Variants in ELAPOR1 observed in about 807,000 individuals in gnomAD.
ELAPOR1 encodes the protein endosome-lysosome associated apoptosis and autophagy regulator 1.
ELAPOR1 carries 77 observed loss-of-function variants against 119.7 expected under a neutral mutation model. The ratio of observed to expected loss-of-function variants is 0.64; its 90% CI spans 0.54 to 0.78. The LOEUF (loss-of-function observed/expected upper bound fraction) is 0.78, where lower values mean the gene tolerates loss of function less well. Among genes scored for constraint, ELAPOR1 ranks in the 30% least tolerant of loss-of-function variants. ELAPOR1 has a pLI of 0.00. For synonymous variants in ELAPOR1, 481 were observed against 487.2 expected (o/e 0.99, Z 0.17); for missense variants, 1,115 against 1,270.4 (o/e 0.88, Z 1.86).
At chr1:109,154,489 G>C (rs765087546) in intron 1 of ELAPOR1, among the ~76,000 whole-genome samples, 1 of 152,228 alleles carries the variant, frequency 6.6e-6, no homozygotes, top group East Asian at 1.9e-4. Context: ...TTTGTTCCTC[G>C]TCTCAGAGAC....
At chr1:109,164,722 C>A in intron 3 of ELAPOR1, 31 bp downstream of exon 3, 1 of 1,587,082 alleles carries the variant, frequency 6.3e-7, no homozygotes, top group East Asian at 2.3e-5. Flanking sequence ...ACCCCACCCC[C>A]AGCCCACTGG....
At chr1:109,116,338 G>T (rs1297742984) in intron 1 of ELAPOR1, among the ~76,000 whole-genome samples, 5 of 152,166 alleles carry the variant, frequency 3.3e-5, no homozygotes, top group Admixed American at 2.0e-4. Context: ...CCTCAGAAAG[G>T]ATTGCTTTGA....
intron 8 of ELAPOR1, chr1:109,187,759 AC>A (rs1269633962): frequency 2.5e-5 from 20 of 793,324 alleles, no homozygotes; most frequent in Non-Finnish European, 3.1e-5. Flanking sequence ...CATCTCAGCC[AC>A]CCCCTCAGTC....
intron 8 of ELAPOR1, chr1:109,186,945 A>G (rs192010845): frequency 9.1e-6 from 9 of 985,538 alleles, no homozygotes; most frequent in Admixed American, 6.1e-5. Context: ...GCCAAGGCCC[A>G]GCTCAGAGGA....
rs946473338 is a variant in ELAPOR1, at chr1:109,198,952, C to G, written c.2501+278C>G. On this transcript the variant is annotated intron_variant, in intron 18 of 21. Coordinates refer to ENST00000369939, the MANE Select transcript of ELAPOR1 (RefSeq NM_020775.5). ...TCGGCTGAGAGCCAGGTTGAATCAT[C>G]TCCTCCACTAACCAGCTATGTTATC... Among the ~76,000 whole-genome samples, 5 of 152,346 alleles carry G rather than the reference C, an allele frequency of 3.3e-5. No homozygotes were observed. The South Asian group carries it at 1.0e-3, about 32-fold the overall frequency.
rs71069655 is a variant in ELAPOR1 at position 109,144,061 on chromosome 1, ATTTT to A, written c.154-17821_154-17818del. ...TATATATATATATATATATTTATATATTTTTTTTTTTTTTTGAGATGGAGTTTCG... is the reference window on the plus strand; with the variant it reads ...TATATATATATATATATATTTATATATTTTTTTTTTTGAGATGGAGTTTCG... On this transcript the variant is annotated intron_variant, in intron 1 of 21. Coordinates refer to ENST00000369939, the MANE Select transcript of ELAPOR1 (RefSeq NM_020775.5). Among the ~76,000 whole-genome samples the A allele has an allele frequency of 6.6e-4, 59 of 88,984 alleles. 3 individuals carry two copies. Among genetic ancestry groups the A allele is most frequent in the African/African-American group, 2.8e-3 (58 of 20,736 alleles). The allele number at this position is 88,984 out of a possible 152,430, so 58.4% of individuals were successfully genotyped here.
At chr1:109,198,765 A>G in intron 18 of ELAPOR1, 91 bp downstream of exon 18, 1 of 1,173,466 alleles carries the variant, frequency 8.5e-7, no homozygotes, top group Non-Finnish European at 1.2e-6. Flanking sequence ...AAGAGCAAAA[A>G]AGAAAAGAGT....
chr1:109,188,968 G>A lies in ELAPOR1; in HGVS notation c.1220-98G>A. ...TACTCAGCAGCCAGGCTTCTGGGCT[G>A]CCCGCTACTGTTGCAACTTGTCTGT... is the stretch of plus-strand genomic sequence containing the variant. On this transcript the variant is annotated intron_variant, in intron 9 of 21. Coordinates refer to ENST00000369939, the MANE Select transcript of ELAPOR1 (RefSeq NM_020775.5). 2.7e-6 allele frequency: 4 copies of A among 1,462,676 alleles called. No homozygotes were observed. The East Asian group carries it at 6.9e-5, about 25-fold the overall frequency. 90.6% of individuals were successfully genotyped at this position (1,462,676 alleles called of 1,614,324 possible).
At chr1:109,137,405 T>C (rs1000655097) in intron 1 of ELAPOR1, among the ~76,000 whole-genome samples, 15 of 152,128 alleles carry the variant, frequency 9.9e-5, no homozygotes, top group Non-Finnish European at 1.8e-4. Context: ...GGTTTCTCTA[T>C]GTTGGCTAGA....
At chr1:109,148,646 C>T (rs779684873) in intron 1 of ELAPOR1, among the ~76,000 whole-genome samples, 9 of 152,138 alleles carry the variant, frequency 5.9e-5, no homozygotes, top group Non-Finnish European at 1.3e-4. Context: ...GAATTCTGTC[C>T]GCCAGGTTCT....
rs1346700748 is a variant in ELAPOR1, at chr1:109,173,855, G to A, written c.952+18G>A. 2 of 1,612,868 alleles carry A rather than the reference G, an allele frequency of 1.2e-6. No homozygotes were observed. The highest frequency in any genetic ancestry group is 2.7e-5 in the African/African-American group (2 of 74,862). On this transcript the variant is annotated intron_variant, in intron 7 of 21. Coordinates refer to ENST00000369939, the MANE Select transcript of ELAPOR1 (RefSeq NM_020775.5). Reference sequence around the variant, plus strand: ...ATACTCAGGTGATGTTTCTGAGGGTGGGAAGAGTTTGGGGATAGAGAGTAC... The same window carrying A: ...ATACTCAGGTGATGTTTCTGAGGGTAGGAAGAGTTTGGGGATAGAGAGTAC...
rs1654423626 is a variant in ELAPOR1, at chr1:109,205,322, G to A, written c.*2310G>A. On this transcript the variant is annotated 3_prime_UTR_variant, in exon 22 of 22. Coordinates refer to ENST00000369939, the MANE Select transcript of ELAPOR1 (RefSeq NM_020775.5). ...AGGGGATGGCATTTGCAAGTGACTA[G>A]TCTGCCACAAAATGCTCATCTGATT... 1 of 152,208 alleles carries A rather than the reference G, an allele frequency of 6.6e-6. No homozygotes were observed. Among genetic ancestry groups the A allele is most frequent in the South Asian group, 2.1e-4 (1 of 4,826 alleles). 9.4% of individuals were successfully genotyped at this position (152,208 alleles called of 1,614,324 possible).
chr1:109,157,478 C>T (rs1470067861), intron 1 of ELAPOR1, among the ~76,000 whole-genome samples: 3 of 152,188 alleles, frequency 2.0e-5, no homozygotes, highest in African/African-American at 4.8e-5. Flanking sequence ...GCAGATGCAA[C>T]ACCTGAATAG....
intron 1 of ELAPOR1, among the ~76,000 whole-genome samples, chr1:109,157,435 A>G (rs775668594): frequency 3.3e-5 from 5 of 152,142 alleles, no homozygotes; most frequent in Non-Finnish European, 7.4e-5. Flanking sequence ...AGAGGGCCCT[A>G]TCGCACATGG....
chr1:109,173,143 G>T (rs1214176447), intron 5 of ELAPOR1, among the ~76,000 whole-genome samples: 1 of 151,634 alleles, frequency 6.6e-6, no homozygotes, highest in Non-Finnish European at 1.5e-5. Context: ...TGGGGAGGGG[G>T]GCTGTCCCCC....
At chr1:109,187,193 T>C (rs1167040362) in intron 8 of ELAPOR1, 18 of 985,316 alleles carry the variant, frequency 1.8e-5, no homozygotes, top group Middle Eastern at 5.2e-4. Flanking sequence ...GGCCCATCCA[T>C]TGGGGTCAGT....
At chr1:109,176,076 A>G (rs1324797556) in intron 7 of ELAPOR1, among the ~76,000 whole-genome samples, 1 of 152,140 alleles carries the variant, frequency 6.6e-6, no homozygotes, top group Non-Finnish European at 1.5e-5. Flanking sequence ...TTGTAACACA[A>G]TTTGCAAACC....
intron 1 of ELAPOR1, among the ~76,000 whole-genome samples, chr1:109,157,351 C>T (rs1034757393): frequency 6.6e-6 from 1 of 152,112 alleles, no homozygotes; most frequent in Non-Finnish European, 1.5e-5. Flanking sequence ...AAATAATTTA[C>T]CATTGAATTG....
At chr1:109,189,899 C>T (rs1029327812) in intron 11 of ELAPOR1, among the ~76,000 whole-genome samples, 5 of 152,058 alleles carry the variant, frequency 3.3e-5, no homozygotes, top group African/African-American at 9.7e-5. Context: ...CTCTCTCTCC[C>T]GTATAGCTTC....
Sources: gnomAD v4.1 joint callset for allele counts (sites outside exome capture counted in the v4.1 genomes callset) on GRCh38, gnomAD v4.1.1 for gene constraint, MANE v1.5 for transcripts, NCBI Gene and HGNC (gene_info 2026-07-23, HGNC 2026-07-21) for gene names.